EFL1: variants seen among roughly 807,000 people sequenced by gnomAD.
EFL1 encodes elongation factor like GTPase 1.
In EFL1, 76 loss-of-function variants were observed where a neutral mutation model predicts 126.7. That is an observed-to-expected ratio of 0.60 (90% CI 0.50 to 0.73). The LOEUF is 0.73. Among genes scored for constraint, EFL1 ranks in the 30% least tolerant of loss-of-function variants. EFL1 has a pLI of 0.00. For synonymous variants in EFL1, 410 were observed against 448.4 expected (o/e 0.91, Z 1.08); for missense variants, 1,128 against 1,343.2 (o/e 0.84, Z 2.50).
chr15:82,133,157 A>G (rs886671165), intron 19 of EFL1, among the ~76,000 whole-genome samples: 1 of 152,234 alleles, frequency 6.6e-6, no homozygotes, highest in East Asian at 1.9e-4. Context: ...ACACTTTTAT[A>G]GCACTAAAGA....
chr15:82,261,798 C>G lies in EFL1; in HGVS notation c.-19-1G>C. 6.2e-7 allele frequency: 1 copy of G among 1,608,252 alleles called. No homozygotes were observed. The highest frequency in any genetic ancestry group is 8.5e-7 in the Non-Finnish European group (1 of 1,177,234). On this transcript the variant is annotated splice_acceptor_variant, in intron 1 of 19. Coordinates refer to ENST00000268206, the MANE Select transcript of EFL1 (RefSeq NM_024580.6). LOFTEE classifies it low-confidence loss of function (5UTR_SPLICE). The stretch of plus-strand genomic sequence containing the variant: ...CACCATGATTACTTATTTCCTGTGA[C>G]TAAAAATTAAATATGTATTACAAAT...
chr15:82,255,909 A>C (rs1346698944), intron 3 of EFL1, among the ~76,000 whole-genome samples: 1 of 152,170 alleles, frequency 6.6e-6, no homozygotes, highest in Non-Finnish European at 1.5e-5. Context: ...CCGGCTATTA[A>C]TTGGTTTATT....
intron 16 of EFL1, among the ~76,000 whole-genome samples, chr15:82,158,984 C>G (rs1373556941): frequency 2.0e-5 from 3 of 152,346 alleles, no homozygotes; most frequent in Admixed American, 6.5e-5. Context: ...GCTGGGCAGC[C>G]AGCCAGAGAG....
At chr15:82,235,913 C>T (rs2074868346) in intron 7 of EFL1, among the ~76,000 whole-genome samples, 1 of 152,132 alleles carries the variant, frequency 6.6e-6, no homozygotes, top group Non-Finnish European at 1.5e-5. Flanking sequence ...CCCCTATTTG[C>T]AGACATGATA....
intron 4 of EFL1, among the ~76,000 whole-genome samples, chr15:82,251,671 A>T (rs2075022897): frequency 6.6e-6 from 1 of 152,172 alleles, no homozygotes; most frequent in African/African-American, 2.4e-5. Context: ...TAAACATTAA[A>T]CATCGAGAAA....
At chr15:82,228,362 C>A (rs770080536) in intron 9 of EFL1, 35 bp from the exon 10 acceptor site, 1 of 1,600,984 alleles carries the variant, frequency 6.2e-7, no homozygotes, top group African/African-American at 1.3e-5. Flanking sequence ...GGGGAAATGT[C>A]ATATGCAGAT....
chr15:82,216,872 TG>T (rs910228800), intron 14 of EFL1, among the ~76,000 whole-genome samples: 10 of 151,348 alleles, frequency 6.6e-5, no homozygotes, highest in African/African-American at 2.4e-4. Context: ...AGGTACCAAA[TG>T]GAAAGTAAAA....
chr15:82,231,789 C>G (rs750163617), intron 7 of EFL1, among the ~76,000 whole-genome samples: 1 of 152,168 alleles, frequency 6.6e-6, no homozygotes. Flanking sequence ...TATCTTTGTT[C>G]ACACGTGACT....
At chr15:82,182,505 A>G (rs1165064724) in intron 15 of EFL1, among the ~76,000 whole-genome samples, 1 of 152,100 alleles carries the variant, frequency 6.6e-6, no homozygotes, top group African/African-American at 2.4e-5. Flanking sequence ...GGTTGGGCCA[A>G]AGAGGATGGC....
chr15:82,138,917 A>G, intron 18 of EFL1, 75 bp from the exon 19 acceptor site: 1 of 1,348,688 alleles, frequency 7.4e-7, no homozygotes, highest in Non-Finnish European at 1.0e-6. Context: ...GATTACCCAT[A>G]TACTCTGTAA....
At chr15:82,147,778 A>AT in intron 18 of EFL1, among the ~76,000 whole-genome samples, 1 of 152,276 alleles carries the variant, frequency 6.6e-6, no homozygotes, top group Non-Finnish European at 1.5e-5. Flanking sequence ...GAAATCAATC[A>AT]TGAATGATCT....
intron 11 of EFL1, among the ~76,000 whole-genome samples, chr15:82,226,475 A>G (rs2074765157): frequency 6.6e-6 from 1 of 152,218 alleles, no homozygotes. Context: ...TGAGATAAAT[A>G]TAAGGGCCAT....
intron 15 of EFL1, among the ~76,000 whole-genome samples, chr15:82,174,760 T>G (rs2074176517): frequency 6.6e-6 from 1 of 152,206 alleles, no homozygotes. Flanking sequence ...TCTCCAGATC[T>G]ACTCACAGGC....
At chr15:82,218,949 A>T (rs926935532) in intron 14 of EFL1, among the ~76,000 whole-genome samples, 1 of 151,946 alleles carries the variant, frequency 6.6e-6, no homozygotes, top group Non-Finnish European at 1.5e-5. Context: ...CACAGAGAGG[A>T]GCATGGGTTT....
chr15:82,186,807 G>C (rs2074308402), intron 15 of EFL1, among the ~76,000 whole-genome samples: 1 of 152,032 alleles, frequency 6.6e-6, no homozygotes, highest in South Asian at 2.1e-4. Flanking sequence ...TTCTAGTCTA[G>C]AACCTTCACA....
intron 14 of EFL1, among the ~76,000 whole-genome samples, 164 bp from the exon 15 acceptor site, chr15:82,215,019 T>A (rs1373030895): frequency 6.6e-6 from 1 of 152,266 alleles, no homozygotes; most frequent in Admixed American, 6.5e-5. Flanking sequence ...TGCCTCACTT[T>A]ATGAATAAAA....
chr15:82,157,660 C>A, intron 17 of EFL1, 53 bp downstream of exon 17: 1 of 1,559,376 alleles, frequency 6.4e-7, no homozygotes. Flanking sequence ...AACACTAAAA[C>A]ATCCCATTGA....
chr15:82,212,964 G>A (rs1216410604), intron 15 of EFL1, among the ~76,000 whole-genome samples: 1 of 152,234 alleles, frequency 6.6e-6, no homozygotes, highest in African/African-American at 2.4e-5. Flanking sequence ...GAGATATAAG[G>A]CCATCTTGCT....
chr15:82,262,480 G>A (rs2075136312), intron 1 of EFL1, 134 bp downstream of exon 1: 1 of 188,686 alleles, frequency 5.3e-6, no homozygotes. Context: ...GCGGCACTCC[G>A]GGGACCGAAG....
Sources: gnomAD v4.1 joint callset for allele counts (sites outside exome capture counted in the v4.1 genomes callset) on GRCh38, gnomAD v4.1.1 for gene constraint, MANE v1.5 for transcripts, NCBI Gene and HGNC (gene_info 2026-07-23, HGNC 2026-07-21) for gene names.